The following CNTNAP2 variants were observed in gnomAD, a reference collection of about 807,000 sequenced individuals.
CNTNAP2 encodes contactin-associated protein-like 2.
CNTNAP2 carries 98 observed loss-of-function variants against 155.2 expected under a neutral mutation model. That is an observed-to-expected ratio of 0.63 (90% CI 0.54 to 0.75). The LOEUF (loss-of-function observed/expected upper bound fraction) is 0.75. Among genes scored for constraint, CNTNAP2 ranks in the 30% least tolerant of loss-of-function variants. CNTNAP2 has a pLI of 0.00. For synonymous variants in CNTNAP2, 651 were observed against 631.2 expected (o/e 1.03, Z -0.47); for missense variants, 1,727 against 1,688.1 (o/e 1.02, Z -0.40).
rs1200462971 is a variant in CNTNAP2 at position 147,898,388 on chromosome 7, A to G, written c.2099-5177A>G. On this transcript the variant is annotated intron_variant, in intron 13 of 23. Coordinates refer to ENST00000361727, the MANE Select transcript of CNTNAP2 (RefSeq NM_014141.6). ...TACTTTTTGTATTGTTTGTTTAGAT[A>G]TTGTGACTGTTCACATGGTAACTTT... 2.0e-5 allele frequency among the ~76,000 whole-genome samples: 3 copies of G among 152,194 alleles called. No individual in the cohort carries two copies. In the East Asian group the frequency reaches 5.8e-4, roughly 29 times the overall value.
intron 3 of CNTNAP2, among the ~76,000 whole-genome samples, chr7:146,859,225 A>T (rs1795050040): frequency 6.6e-6 from 1 of 152,220 alleles, no homozygotes; most frequent in South Asian, 2.1e-4. Flanking sequence ...GTCAACTTTT[A>T]TTTTAAAGAG....
At chr7:147,155,082 A>G (rs1388888147) in intron 8 of CNTNAP2, among the ~76,000 whole-genome samples, 1 of 152,136 alleles carries the variant, frequency 6.6e-6, no homozygotes, top group Admixed American at 6.6e-5. Flanking sequence ...CTCCCTGCCA[A>G]AAGTCATGTT....
At chr7:147,823,963 A>G (rs1346286052) in intron 13 of CNTNAP2, among the ~76,000 whole-genome samples, 1 of 152,172 alleles carries the variant, frequency 6.6e-6, no homozygotes, top group Non-Finnish European at 1.5e-5. Context: ...TCTCCCTGGC[A>G]TGACTAAGGT....
rs879161647 is a variant in CNTNAP2 at position 148,415,718 on chromosome 7, TATC to T, written c.*104_*106del. ...CATACTCTTGAGCACATCCTTAAAATATCAGCACAAGTTGGGGGAGGCAGGCAA... is the reference window on the plus strand; with the variant it reads ...CATACTCTTGAGCACATCCTTAAAATAGCACAAGTTGGGGGAGGCAGGCAA... On this transcript the variant is annotated 3_prime_UTR_variant, in exon 24 of 24. Coordinates refer to ENST00000361727, the MANE Select transcript of CNTNAP2 (RefSeq NM_014141.6). The T allele has an allele frequency of 2.4e-4, 319 of 1,335,574 alleles. 4 individuals are homozygous for T. In the South Asian group the frequency reaches 3.4e-3, roughly 14 times the overall value. The allele number at this position is 1,335,574 out of a possible 1,614,324, so 82.7% of individuals were successfully genotyped here.
chr7:148,047,380 A>C (rs773815906), intron 15 of CNTNAP2, among the ~76,000 whole-genome samples: 1 of 152,154 alleles, frequency 6.6e-6, no homozygotes, highest in Non-Finnish European at 1.5e-5. Flanking sequence ...ATTCATTAAC[A>C]CTGAACTCAT....
At chr7:146,204,076 C>A (rs985056285) in intron 1 of CNTNAP2, among the ~76,000 whole-genome samples, 2 of 152,078 alleles carry the variant, frequency 1.3e-5, no homozygotes, top group African/African-American at 4.8e-5. Flanking sequence ...AACTCAAGGA[C>A]TTCCTTTCAG....
At chr7:147,555,184 T>C (rs1260994398) in intron 11 of CNTNAP2, among the ~76,000 whole-genome samples, 1 of 152,180 alleles carries the variant, frequency 6.6e-6, no homozygotes, top group Non-Finnish European at 1.5e-5. Flanking sequence ...AACTTATTTT[T>C]GAAAGCAAGA....
At chr7:147,087,206 G>T (rs573470195) in intron 4 of CNTNAP2, among the ~76,000 whole-genome samples, 1 of 152,136 alleles carries the variant, frequency 6.6e-6, no homozygotes, top group East Asian at 1.9e-4. Flanking sequence ...TCCCATTATT[G>T]TCTTAGAAAC....
intron 1 of CNTNAP2, among the ~76,000 whole-genome samples, chr7:146,660,973 T>A (rs1191435780): frequency 2.0e-5 from 3 of 152,104 alleles, no homozygotes; most frequent in Non-Finnish European, 4.4e-5. Flanking sequence ...GAGATAAGGA[T>A]GGGAAATGCA....
chr7:146,267,092 G>A (rs375568593), intron 1 of CNTNAP2, among the ~76,000 whole-genome samples: 1 of 152,160 alleles, frequency 6.6e-6, no homozygotes, highest in African/African-American at 2.4e-5. Context: ...ATGGGTGGTA[G>A]AGAGGAGGCA....
intron 9 of CNTNAP2, among the ~76,000 whole-genome samples, chr7:147,327,096 T>C (rs558100093): frequency 1.4e-4 from 21 of 151,998 alleles, no homozygotes; most frequent in South Asian, 8.4e-4. Flanking sequence ...CTAAGCATCA[T>C]AAAACCCCAA....
At chr7:147,506,709 G>C (rs746173938) in intron 11 of CNTNAP2, among the ~76,000 whole-genome samples, 2 of 152,192 alleles carry the variant, frequency 1.3e-5, no homozygotes, top group Non-Finnish European at 2.9e-5. Context: ...ATGAATCAAA[G>C]CTGGGCTTTA....
At chr7:148,290,905 T>G (rs1797177882) in intron 21 of CNTNAP2, among the ~76,000 whole-genome samples, 1 of 152,216 alleles carries the variant, frequency 6.6e-6, no homozygotes, top group Non-Finnish European at 1.5e-5. Flanking sequence ...CTTCTAAGAT[T>G]TATACCCATG....
intron 8 of CNTNAP2, among the ~76,000 whole-genome samples, chr7:147,235,934 G>A (rs1803794640): frequency 6.6e-6 from 1 of 152,172 alleles, no homozygotes; most frequent in Admixed American, 6.5e-5. Flanking sequence ...GAAAGACCGT[G>A]AATTCACACA....
At chr7:147,481,495 ACCAG>A (rs913373562) in intron 10 of CNTNAP2, among the ~76,000 whole-genome samples, 1 of 151,928 alleles carries the variant, frequency 6.6e-6, no homozygotes, top group Non-Finnish European at 1.5e-5. Context: ...CATCCATCTA[ACCAG>A]CCACTCTGTC....
intron 13 of CNTNAP2, among the ~76,000 whole-genome samples, chr7:147,900,421 G>T (rs949751836): frequency 7.9e-5 from 12 of 151,936 alleles, no homozygotes; most frequent in African/African-American, 2.9e-4. Context: ...TCTCTCTCCT[G>T]CCCCCATGAG....
chr7:147,823,551 A>G (rs1219535553), intron 13 of CNTNAP2, among the ~76,000 whole-genome samples: 1 of 152,054 alleles, frequency 6.6e-6, no homozygotes, highest in Non-Finnish European at 1.5e-5. Context: ...CCTACCCCTA[A>G]TTTTTGCCTA....
chr7:148,363,537 A>C (rs1798665583), intron 21 of CNTNAP2, among the ~76,000 whole-genome samples: 1 of 152,232 alleles, frequency 6.6e-6, no homozygotes, highest in Non-Finnish European at 1.5e-5. Flanking sequence ...ACTGGGATGT[A>C]GCCCCTTCAT....
intron 12 of CNTNAP2, among the ~76,000 whole-genome samples, chr7:147,601,674 T>TAC (rs1214188201): frequency 2.8e-5 from 4 of 141,346 alleles, no homozygotes; most frequent in South Asian, 2.2e-4. Context: ...TATATATATA[T>TAC]ACACACCATC....
Sources: allele counts gnomAD v4.1 joint callset (sites outside exome capture counted in the v4.1 genomes callset), GRCh38; gene constraint gnomAD v4.1.1; transcripts MANE v1.5; gene names NCBI Gene and HGNC (gene_info 2026-07-23, HGNC 2026-07-21).